The following SEC24D variants were observed in gnomAD, a reference collection of about 807,000 sequenced individuals.
The protein encoded by SEC24D is SEC24 homolog D, COPII component.
Under a neutral mutation model 116.9 loss-of-function variants are expected in SEC24D, and 69 were observed. The ratio of observed to expected loss-of-function variants is 0.59; its 90% CI spans 0.49 to 0.72. The LOEUF (loss-of-function observed/expected upper bound fraction) is 0.72, where lower values mean the gene tolerates loss of function less well. Ranked by LOEUF, SEC24D falls within the 30% of genes least tolerant of loss-of-function variation. The pLI is 0.00. For missense variants in SEC24D, 1,131 were observed against 1,264.1 expected (o/e 0.89, Z 1.60); for synonymous variants, 405 against 442.8 (o/e 0.91, Z 1.07).
At chr4:118,791,344 A>C (rs1373070614) in intron 8 of SEC24D, among the ~76,000 whole-genome samples, 1 of 152,134 alleles carries the variant, frequency 6.6e-6, no homozygotes, top group Non-Finnish European at 1.5e-5. Context: ...GCTTTAGAGC[A>C]CTTTAGACAC....
rs886346699 is a variant in SEC24D at position 118,780,550 on chromosome 4, T to C, written c.1042-12239A>G. On this transcript the variant is annotated intron_variant, in intron 8 of 22. Transcript: ENST00000280551. ...GTGGTCAATTTTGGAATAAGCGTGA[T>C]GTGGTACTGAGATGAATGTATATTC... Among the ~76,000 whole-genome samples the C allele has an allele frequency of 8.5e-5, 13 of 152,352 alleles. No homozygotes were observed. The East Asian group carries it at 2.5e-3, about 29-fold the overall frequency.
At chr4:118,832,191 C>T (rs1730888977) in intron 2 of SEC24D, among the ~76,000 whole-genome samples, 1 of 152,038 alleles carries the variant, frequency 6.6e-6, no homozygotes, top group African/African-American at 2.4e-5. Flanking sequence ...GCTGAGATCG[C>T]AAAACTGCAC....
In SEC24D at chr4:118,819,946, A is replaced by C. The variant is rs186913936; in HGVS notation, c.249-2534T>G. ...ACTCATAAATGCCTACTTATGATTC[A>C]GTGCCTAACATATACCCCAGGAGTT... On this transcript the variant is annotated intron_variant, in intron 3 of 22. Transcript: ENST00000280551. Among the ~76,000 whole-genome samples, 96 of 152,340 alleles carry C rather than the reference A, an allele frequency of 6.3e-4. 1 individual carries two copies. In the Middle Eastern group the frequency reaches 0.024, roughly 38 times the overall value.
At chr4:118,819,923 T>C (rs114162429) in intron 3 of SEC24D, among the ~76,000 whole-genome samples, 6,650 of 152,278 alleles carry the variant, frequency 0.044, 201 homozygotes, top group Non-Finnish European at 0.064. Context: ...TACTTTCAAC[T>C]CATAAATGCC....
Position 118,800,255 on chromosome 4 carries a change from A to G in SEC24D, c.914-2445T>C, listed in dbSNP as rs200731475. Among the ~76,000 whole-genome samples the G allele has an allele frequency of 2.6e-5, 4 of 152,254 alleles. No individual in the cohort carries two copies. In the East Asian group the frequency reaches 7.7e-4, roughly 29 times the overall value. ...AAAGTATGAAATAGTCACTAAGGAGAGTGGAAAAGTGAAAAGACTTGAGAA... is the reference window on the plus strand; with the variant it reads ...AAAGTATGAAATAGTCACTAAGGAGGGTGGAAAAGTGAAAAGACTTGAGAA... On this transcript the variant is annotated intron_variant, in intron 7 of 22. Transcript: ENST00000280551.
At chr4:118,761,039 G>A (rs879300006) in intron 10 of SEC24D, among the ~76,000 whole-genome samples, 12 of 151,800 alleles carry the variant, frequency 7.9e-5, no homozygotes, top group Admixed American at 5.9e-4. Flanking sequence ...TTTAATTTTC[G>A]GGGGAATTAT....
chr4:118,811,237 G>C (rs571492649), intron 6 of SEC24D, among the ~76,000 whole-genome samples: 2 of 152,298 alleles, frequency 1.3e-5, no homozygotes, highest in South Asian at 4.1e-4. Context: ...ATCCAGGTTT[G>C]GGGAGAGGCC....
chr4:118,799,935 A>T (rs1729355198), intron 7 of SEC24D, among the ~76,000 whole-genome samples: 1 of 152,178 alleles, frequency 6.6e-6, no homozygotes, highest in African/African-American at 2.4e-5. Context: ...AAGATGAGAG[A>T]AGGTTTTTTT....
chr4:118,768,067 C>T, intron 9 of SEC24D, 106 bp downstream of exon 9: 1 of 900,264 alleles, frequency 1.1e-6, no homozygotes, highest in South Asian at 2.0e-5. Context: ...AAAGAAGGTA[C>T]TGCTATATAG....
chr4:118,824,053 C>T (rs530144640), intron 3 of SEC24D, among the ~76,000 whole-genome samples: 3 of 152,278 alleles, frequency 2.0e-5, no homozygotes, highest in Admixed American at 1.3e-4. Context: ...CTAAAATAAA[C>T]TGAATATAAC....
chr4:118,807,092 T>C (rs1729711401), intron 6 of SEC24D, among the ~76,000 whole-genome samples: 1 of 152,338 alleles, frequency 6.6e-6, no homozygotes, highest in East Asian at 1.9e-4. Context: ...ATAAAAACCT[T>C]AACTTTCTCC....
chr4:118,789,163 C>T (rs1728783374), intron 8 of SEC24D, among the ~76,000 whole-genome samples: 1 of 152,180 alleles, frequency 6.6e-6, no homozygotes, highest in Non-Finnish European at 1.5e-5. Flanking sequence ...CAGCTGGTAA[C>T]TTTAATAGCC....
At chr4:118,773,982 T>C (rs1728025384) in intron 8 of SEC24D, among the ~76,000 whole-genome samples, 1 of 152,262 alleles carries the variant, frequency 6.6e-6, no homozygotes, top group Non-Finnish European at 1.5e-5. Flanking sequence ...TCCTATCATG[T>C]GTCTTCTAAA....
At chr4:118,733,599 G>A (rs769143879) in intron 19 of SEC24D, among the ~76,000 whole-genome samples, 5 of 152,092 alleles carry the variant, frequency 3.3e-5, no homozygotes, top group Non-Finnish European at 7.4e-5. Flanking sequence ...CTTGAAGTTC[G>A]CTGGGGATAG....
chr4:118,815,176 G>A, intron 5 of SEC24D, 21 bp from the exon 6 acceptor site: 2 of 1,613,622 alleles, frequency 1.2e-6, no homozygotes, highest in Non-Finnish European at 1.7e-6. Flanking sequence ...AAAATTTAAA[G>A]AGAAATGACT....
chr4:118,723,801 T>G, intron 22 of SEC24D, 146 bp from the exon 23 acceptor site: 1 of 890,018 alleles, frequency 1.1e-6, no homozygotes, highest in Non-Finnish European at 1.7e-6. Flanking sequence ...AAGTGCCTGA[T>G]ATCTAGAGTG....
chr4:118,824,618 A>T lies in SEC24D; in HGVS notation c.248+2T>A, dbSNP rs752673492. Reference sequence around the variant, plus strand: ...ACGAAGGTTGGAATCTACCTAGCTCACCTTTGGGGAGGGTGACCAGTGGCA... The same window carrying T: ...ACGAAGGTTGGAATCTACCTAGCTCTCCTTTGGGGAGGGTGACCAGTGGCA... On this transcript the variant is annotated splice_donor_variant, in intron 3 of 22. Transcript: ENST00000280551. LOFTEE classifies it high-confidence loss of function. The T allele has an allele frequency of 1.0e-5, 16 of 1,597,668 alleles. No individual in the cohort carries two copies. The Admixed American group carries it at 2.7e-4, about 27-fold the overall frequency.
rs1726114757 is a variant in SEC24D at position 118,739,223 on chromosome 4, T to A, written c.2303A>T (p.Asn768Ile). ...AAGATCAGCTAGCTGAGAGCTGCAG[T>A]TTAAGCCAAGATTGTGAATCCGAAG... ...RRLRIHNLGL[N>I]CSSQLADLYK... Residue 768 changes from asparagine to isoleucine, a missense_variant, in exon 18 of 23, where the codon AAC becomes ATC. By Grantham distance (149) the Asn-to-Ile change is moderately radical. Transcript: ENST00000280551. 1 of 1,613,564 alleles carries A rather than the reference T, an allele frequency of 6.2e-7. No individual in the cohort carries two copies. Among genetic ancestry groups the A allele is most frequent in the Admixed American group, 1.7e-5 (1 of 60,004 alleles).
intron 10 of SEC24D, among the ~76,000 whole-genome samples, chr4:118,759,259 A>C (rs888327172): frequency 6.6e-6 from 1 of 152,178 alleles, no homozygotes; most frequent in Non-Finnish European, 1.5e-5. Context: ...TCAAGGCTTC[A>C]AAGTGTGAAA....
Sources: gnomAD v4.1 joint callset for allele counts (sites outside exome capture counted in the v4.1 genomes callset) on GRCh38, gnomAD v4.1.1 for gene constraint, MANE v1.5 for transcripts, NCBI Gene and HGNC (gene_info 2026-07-23, HGNC 2026-07-21) for gene names.